The following THOC1 variants were observed in gnomAD, a reference collection of about 807,000 sequenced individuals.
THOC1 encodes THO complex 1.
A neutral mutation model predicts 97.3 loss-of-function variants in THOC1; 29 were observed. The observed-to-expected ratio is 0.30, with a 90% confidence interval of 0.22 to 0.41. The LOEUF is 0.41. Ranked by LOEUF, THOC1 falls within the 10% of genes least tolerant of loss-of-function variation. The pLI is 1.00. For synonymous variants in THOC1, 255 were observed against 257.0 expected, an observed-to-expected ratio of 0.99 and a Z score of 0.07; for missense variants, 529 against 761.9, an observed-to-expected ratio of 0.69 and a Z score of 3.60.
chr18:228,565 G>A (rs1335951451), intron 11 of THOC1, among the ~76,000 whole-genome samples: 1 of 152,062 alleles, frequency 6.6e-6, no homozygotes, highest in African/African-American at 2.4e-5. Flanking sequence ...ACCAACACAG[G>A]TGGTGGGCCA....
chr18:259,401 G>T lies in THOC1; in HGVS notation c.425-126C>A, dbSNP rs976686357. On this transcript the variant is annotated intron_variant, in intron 6 of 20. Transcript: ENST00000261600. ...CTAAAGCAGTAGTTCTTAAATTGGG[G>T]GCCGAAACCACTGCCACAAAAAAGT... 3.1e-5 allele frequency: 24 copies of T among 785,952 alleles called. No individual in the cohort carries two copies. In the African/African-American group the frequency reaches 4.0e-4, roughly 13 times the overall value. The allele number at this position is 785,952 out of a possible 1,614,324, so 48.7% of individuals were successfully genotyped here. A position where few individuals can be genotyped will look rare whatever the true frequency, so the allele number is the denominator to read the frequency against.
Position 225,089 on chromosome 18 carries a change from C to T in THOC1, c.1137G>A (p.Glu379=). Residue 379 remains glutamate (E), a splice_region_variant and synonymous_variant, in exon 14 of 21, where the codon GAG becomes GAA. Coordinates refer to ENST00000261600, the MANE Select transcript of THOC1 (RefSeq NM_005131.3). ...PDGERFSKMV[E]HILNTEENWN... ...GGATGTAAGCATAAAAAACACATAC[C>T]TCTACCATCTTTGAAAATCTTTCTC... 1 of 1,574,076 alleles carries T rather than the reference C, an allele frequency of 6.4e-7. No individual in the cohort carries two copies.
chr18:251,942 A>G (rs1912292456), intron 9 of THOC1, among the ~76,000 whole-genome samples: 1 of 152,202 alleles, frequency 6.6e-6, no homozygotes, highest in Non-Finnish European at 1.5e-5. Context: ...AAGCATTTTG[A>G]TCTTTATCTA....
chr18:236,339 A>G (rs1567848414), intron 11 of THOC1, among the ~76,000 whole-genome samples: 2 of 149,112 alleles, frequency 1.3e-5, no homozygotes, highest in Admixed American at 1.4e-4. Flanking sequence ...TAACTAGGAA[A>G]GAATAAGATT....
chr18:217,448 A>G (rs1440527920), intron 18 of THOC1, among the ~76,000 whole-genome samples: 1 of 152,210 alleles, frequency 6.6e-6, no homozygotes, highest in Non-Finnish European at 1.5e-5. Flanking sequence ...CTCTTTGGAG[A>G]TAATAATTTG....
chr18:228,860 T>C (rs903190507), intron 11 of THOC1, among the ~76,000 whole-genome samples: 1 of 152,244 alleles, frequency 6.6e-6, no homozygotes, highest in African/African-American at 2.4e-5. Context: ...ACATCTGTTT[T>C]TAATCAGCAA....
chr18:259,223 A>T lies in THOC1; in HGVS notation c.477T>A (p.Ile159=). The change falls in exon 7 of 21, where the codon ATT becomes ATA. Residue 159 remains isoleucine (I), a synonymous_variant. Transcript: ENST00000261600. ...GGAAAAGCCTGGCCAAAAAGAGCTG[A>T]ATCCGTCCACAGAAGACTGTATTCT... ...KSQNTVFCGR[I]QLFLARLFPL... 1 of 1,612,886 alleles carries T rather than the reference A, an allele frequency of 6.2e-7. No homozygotes were observed.
intron 11 of THOC1, among the ~76,000 whole-genome samples, chr18:234,854 TAC>T (rs922313121): frequency 1.2e-4 from 19 of 152,348 alleles, no homozygotes; most frequent in African/African-American, 4.6e-4. Flanking sequence ...TGAATATACA[TAC>T]ACATTTTTCC....
chr18:246,304 TGAAAAA>T lies in THOC1; in HGVS notation c.918+14_918+19del, dbSNP rs746840822. The T allele has an allele frequency of 6.0e-6, 9 of 1,501,034 alleles. No individual in the cohort carries two copies. In the East Asian group the frequency reaches 1.6e-4, roughly 27 times the overall value. 93.0% of individuals were successfully genotyped at this position (1,501,034 alleles called of 1,614,324 possible). A position where few individuals can be genotyped will look rare whatever the true frequency, so the allele number is the denominator to read the frequency against. On this transcript the variant is annotated intron_variant, in intron 11 of 20. Transcript: ENST00000261600. ...CAAGACCATTTCTTATTATGCTTAATGAAAAAGAAAAACTTATACCTTTTCACTTGT... is the reference window on the plus strand; with the variant it reads ...CAAGACCATTTCTTATTATGCTTAATGAAAAACTTATACCTTTTCACTTGT...
Position 247,904 on chromosome 18 carries a change from T to A in THOC1, c.731A>T (p.Tyr244Phe). 6.2e-7 allele frequency: 1 copy of A among 1,610,280 alleles called. No individual in the cohort carries two copies. The highest frequency in any genetic ancestry group is 8.5e-7 in the Non-Finnish European group (1 of 1,179,070). The change falls in exon 10 of 21, where the codon TAC becomes TTC. Residue 244 changes from tyrosine to phenylalanine, a missense_variant. This residue lies in a region of THOC1 where 92 missense variants were observed against 127.0 expected (regional missense o/e 0.72). Transcript: ENST00000261600. The part of the protein sequence containing the change: ...LYRKFWSLQD[Y>F]FRNPVQCYEK... The stretch of plus-strand genomic sequence containing the variant: ...ATAGCATTGCACAGGGTTCCTGAAG[T>A]AATCCTGAAGTGACCAGAATTTTCG...
In THOC1 at chr18:249,372, A is replaced by T. The variant is rs76585661; in HGVS notation, c.678-1415T>A. 8.5e-3 allele frequency among the ~76,000 whole-genome samples: 1,299 copies of T among 152,214 alleles called. 59 individuals are homozygous for T. The East Asian group carries it at 0.13, about 16-fold the overall frequency. Reference sequence around the variant, plus strand: ...TGGGTTTTCTATGAATTGGGTTTTTAAAAAAAGCCACAGGCTGGGCACGGT... The same window carrying T: ...TGGGTTTTCTATGAATTGGGTTTTTTAAAAAAGCCACAGGCTGGGCACGGT... On this transcript the variant is annotated intron_variant, in intron 9 of 20. Transcript: ENST00000261600.
chr18:255,738 G>C (rs1246180735), intron 7 of THOC1, among the ~76,000 whole-genome samples: 1 of 152,182 alleles, frequency 6.6e-6, no homozygotes, highest in Non-Finnish European at 1.5e-5. Context: ...TGCTGTTTAG[G>C]ACTTTCATAG....
At chr18:264,496 T>C (rs1912702986) in intron 3 of THOC1, among the ~76,000 whole-genome samples, 1 of 152,198 alleles carries the variant, frequency 6.6e-6, no homozygotes, top group Non-Finnish European at 1.5e-5. Context: ...AGACAGTGCT[T>C]AGGTTCTATA....
intron 7 of THOC1, among the ~76,000 whole-genome samples, chr18:256,572 C>A (rs1912443305): frequency 6.6e-6 from 1 of 152,190 alleles, no homozygotes; most frequent in African/African-American, 2.4e-5. Flanking sequence ...GGTGAAGATG[C>A]TGCGAACACT....
intron 7 of THOC1, among the ~76,000 whole-genome samples, chr18:255,476 ACT>A (rs1912408769): frequency 6.6e-6 from 1 of 152,326 alleles, no homozygotes; most frequent in African/African-American, 2.4e-5. Context: ...AAAGGCTTTA[ACT>A]CTCTTATTAA....
intron 11 of THOC1, among the ~76,000 whole-genome samples, chr18:236,507 C>G (rs1436262810): frequency 7.1e-6 from 1 of 140,240 alleles, no homozygotes; most frequent in African/African-American, 2.7e-5. Context: ...CAGGCGCCCG[C>G]TACCACGCCC....
chr18:231,505 T>C (rs959729740), intron 11 of THOC1, among the ~76,000 whole-genome samples: 5 of 152,170 alleles, frequency 3.3e-5, no homozygotes, highest in African/African-American at 1.2e-4. Flanking sequence ...CCAACTGTCA[T>C]AACACATCAG....
chr18:235,667 A>G (rs1364107617), intron 11 of THOC1, among the ~76,000 whole-genome samples: 1 of 152,064 alleles, frequency 6.6e-6, no homozygotes, highest in Non-Finnish European at 1.5e-5. Flanking sequence ...TTGCAGCTCT[A>G]ATTTTAGAAT....
At chr18:229,113 G>T (rs756281137) in intron 11 of THOC1, among the ~76,000 whole-genome samples, 1 of 151,930 alleles carries the variant, frequency 6.6e-6, no homozygotes, top group Non-Finnish European at 1.5e-5. Flanking sequence ...ACTCCTTCAC[G>T]GCTAAAGGTA....
Sources: allele counts gnomAD v4.1 joint callset (sites outside exome capture counted in the v4.1 genomes callset), GRCh38; gene constraint gnomAD v4.1.1; regional missense constraint gnomAD v4.1.1; transcripts MANE v1.5; gene names NCBI Gene and HGNC (gene_info 2026-07-23, HGNC 2026-07-21).